The following HIVEP3 variants were observed in gnomAD, a reference collection of about 807,000 sequenced individuals.
HIVEP3 encodes the protein HIVEP zinc finger 3, also known as transcription factor HIVEP3.
In HIVEP3, 49 loss-of-function variants were observed where a neutral mutation model predicts 152.8. The observed-to-expected ratio is 0.32, with a 90% CI of 0.26 to 0.41. The LOEUF is 0.41. Ranked by LOEUF, HIVEP3 falls within the 10% of genes least tolerant of loss-of-function variation. The probability of loss-of-function intolerance (pLI) is 1.00; values close to 1 mark genes in which losing one functional copy is unlikely to be tolerated. For synonymous variants in HIVEP3, 1,269 were observed against 1,289.0 expected, an observed-to-expected ratio of 0.98 and a Z score of 0.33; for missense variants, 2,790 against 3,103.3, an observed-to-expected ratio of 0.90 and a Z score of 2.40.
intron 1 of HIVEP3, among the ~76,000 whole-genome samples, chr1:41,704,989 C>A (rs953259742): frequency 6.6e-6 from 1 of 152,196 alleles, no homozygotes; most frequent in Non-Finnish European, 1.5e-5. Flanking sequence ...TCCTAAGATA[C>A]CAGTATGCAA....
At chr1:41,935,629 C>T (rs1645016567) in intron 1 of HIVEP3, among the ~76,000 whole-genome samples, 1 of 151,224 alleles carries the variant, frequency 6.6e-6, no homozygotes, top group African/African-American at 2.4e-5. Context: ...TCTCTGTATA[C>T]ATATATATGT....
chr1:41,707,768 A>G (rs914343191), intron 1 of HIVEP3, among the ~76,000 whole-genome samples: 2 of 152,218 alleles, frequency 1.3e-5, no homozygotes, highest in African/African-American at 2.4e-5. Context: ...AGAAAAGGAA[A>G]ATGAAAGCCA....
chr1:41,516,772 G>C (rs929218204), intron 7 of HIVEP3, among the ~76,000 whole-genome samples: 1 of 152,230 alleles, frequency 6.6e-6, no homozygotes, highest in African/African-American at 2.4e-5. Context: ...TGCTCCCTCT[G>C]CAGGAGAGCT....
At chr1:41,670,480 C>A (rs1225757422) in intron 2 of HIVEP3, among the ~76,000 whole-genome samples, 1 of 152,202 alleles carries the variant, frequency 6.6e-6, no homozygotes, top group African/African-American at 2.4e-5. Context: ...GGGCCCTGTT[C>A]TAGGGACTTA....
At chr1:41,992,233 T>G (rs1372899428) in intron 1 of HIVEP3, among the ~76,000 whole-genome samples, 1 of 152,094 alleles carries the variant, frequency 6.6e-6, no homozygotes, top group Non-Finnish European at 1.5e-5. Flanking sequence ...ATGACATGAT[T>G]GTATATCTAG....
At chr1:42,023,641 C>T (rs1645566590) in intron 1 of HIVEP3, among the ~76,000 whole-genome samples, 1 of 151,986 alleles carries the variant, frequency 6.6e-6, no homozygotes, top group South Asian at 2.1e-4. Flanking sequence ...AAGTGTGTAG[C>T]ACCTCCCGCC....
intron 1 of HIVEP3, among the ~76,000 whole-genome samples, chr1:41,734,324 T>G (rs370402684): frequency 6.6e-6 from 1 of 152,358 alleles, no homozygotes; most frequent in East Asian, 1.9e-4. Context: ...AGACACCTTC[T>G]GCACAGGTTA....
rs553875917 is a variant in HIVEP3, at chr1:41,931,226, G to C, written n.120-12702C>G. On this transcript the variant is annotated intron_variant and non_coding_transcript_variant, in intron 1 of 3. Transcript: ENST00000489103. Reference sequence around the variant, plus strand: ...ATTTTCTCCTGTGATTTTTTTTCTAGATGTATTGTAGTTTCATCTTTTACA... The same window carrying C: ...ATTTTCTCCTGTGATTTTTTTTCTACATGTATTGTAGTTTCATCTTTTACA... Among the ~76,000 whole-genome samples, 3 of 151,894 alleles carry C rather than the reference G, an allele frequency of 2.0e-5. No homozygotes were observed. The South Asian group carries it at 6.2e-4, about 32-fold the overall frequency.
chr1:41,884,492 T>C (rs1206549528), intron 1 of HIVEP3, among the ~76,000 whole-genome samples: 1 of 152,122 alleles, frequency 6.6e-6, no homozygotes, highest in Non-Finnish European at 1.5e-5. Flanking sequence ...AGAAGGACGT[T>C]GGGGAATGCG....
intron 1 of HIVEP3, among the ~76,000 whole-genome samples, chr1:41,883,535 C>T (rs1644295246): frequency 6.6e-6 from 1 of 152,198 alleles, no homozygotes; most frequent in Admixed American, 6.5e-5. Flanking sequence ...CAAAACTGAG[C>T]CTGAGAACTG....
intron 5 of HIVEP3, among the ~76,000 whole-genome samples, chr1:41,529,547 T>C (rs1333857046): frequency 4.5e-5 from 3 of 66,858 alleles, no homozygotes; most frequent in African/African-American, 1.2e-4. Flanking sequence ...CACCCGACTC[T>C]CCTCCCCCCA....
At chr1:41,974,840 C>G (rs1372610045) in intron 1 of HIVEP3, among the ~76,000 whole-genome samples, 1 of 150,400 alleles carries the variant, frequency 6.6e-6, no homozygotes, top group South Asian at 2.2e-4. Flanking sequence ...TCTAGTACAG[C>G]GGTTGGCTCC....
chr1:41,944,124 G>A (rs181867852), intron 1 of HIVEP3, among the ~76,000 whole-genome samples: 3 of 152,338 alleles, frequency 2.0e-5, no homozygotes, highest in African/African-American at 7.2e-5. Context: ...GGCAGGAGGT[G>A]AGAGGAAGTA....
intron 1 of HIVEP3, among the ~76,000 whole-genome samples, chr1:41,726,486 G>A (rs970499160): frequency 3.3e-5 from 5 of 152,222 alleles, no homozygotes; most frequent in Non-Finnish European, 5.9e-5. Flanking sequence ...ACCCGCTCAT[G>A]TTAAGTCCCA....
At chr1:41,532,596 G>A (rs1037092395) in intron 5 of HIVEP3, among the ~76,000 whole-genome samples, 9 of 152,174 alleles carry the variant, frequency 5.9e-5, no homozygotes, top group African/African-American at 1.9e-4. Context: ...CTAGAACAGC[G>A]ATTTGAGATG....
intron 2 of HIVEP3, among the ~76,000 whole-genome samples, chr1:41,650,767 T>C (rs1645536716): frequency 6.6e-6 from 1 of 152,204 alleles, no homozygotes; most frequent in South Asian, 2.1e-4. Context: ...AAAATGAGAT[T>C]GTCCTAAACA....
intron 1 of HIVEP3, among the ~76,000 whole-genome samples, chr1:41,807,561 G>A (rs1650708980): frequency 1.3e-5 from 2 of 152,146 alleles, no homozygotes; most frequent in South Asian, 4.1e-4. Context: ...GCAGTGACAG[G>A]GCAGAAATGG....
At chr1:41,534,697 G>T (rs1399770416) in intron 5 of HIVEP3, among the ~76,000 whole-genome samples, 1 of 152,246 alleles carries the variant, frequency 6.6e-6, no homozygotes, top group South Asian at 2.1e-4. Flanking sequence ...AGACCAGCGA[G>T]GCCTTCTTTC....
intron 1 of HIVEP3, among the ~76,000 whole-genome samples, chr1:41,829,550 G>A (rs1050854164): frequency 6.6e-6 from 1 of 151,752 alleles, no homozygotes; most frequent in Non-Finnish European, 1.5e-5. Flanking sequence ...TTAAGGGGCG[G>A]GGGGAATGTA....
Sources: gnomAD v4.1 joint callset for allele counts (sites outside exome capture counted in the v4.1 genomes callset) on GRCh38, gnomAD v4.1.1 for gene constraint, MANE v1.5 for transcripts, NCBI Gene and HGNC (gene_info 2026-07-23, HGNC 2026-07-21) for gene names.